MTERF4: variants seen among roughly 807,000 people sequenced by gnomAD.
The protein encoded by MTERF4 is mitochondrial transcription termination factor 4.
MTERF4 carries 17 observed loss-of-function variants against 22.5 expected under a neutral mutation model. The ratio of observed to expected loss-of-function variants is 0.75; its 90% CI spans 0.52 to 1.13. The LOEUF is 1.13. Among genes scored for constraint, MTERF4 ranks in the 50% most tolerant of loss-of-function variants. The probability of loss-of-function intolerance (pLI) is 0.00; values close to 1 mark genes in which losing one functional copy is unlikely to be tolerated. For synonymous variants in MTERF4, 165 were observed against 175.3 expected, an observed-to-expected ratio of 0.94 and a Z score of 0.47; for missense variants, 420 against 466.8, an observed-to-expected ratio of 0.90 and a Z score of 0.92.
chr2:241,051,940 C>A, the MTERF4 span: 2 of 1,467,630 alleles, frequency 1.4e-6, no homozygotes, highest in Non-Finnish European at 9.3e-7. The surrounding 1 kb of genome is among the most constrained non-coding windows in gnomAD (Gnocchi z 4.7). Context: ...CCCTCCCTGC[C>A]AGCTGTGGGT....
chr2:241,088,119 C>G, downstream of MTERF4: 1 of 528,026 alleles, frequency 1.9e-6, no homozygotes. Context: ...CATCCTCTCT[C>G]TCTCTGACTC....
At chr2:241,049,900 C>G in the MTERF4 span, 1 of 1,613,758 alleles carries the variant, frequency 6.2e-7, no homozygotes. Context: ...CTGCGAGTGC[C>G]CGCGCGGGTT....
chr2:241,085,522 A>G (rs1246471911), downstream of MTERF4, among the ~76,000 whole-genome samples: 2 of 152,190 alleles, frequency 1.3e-5, no homozygotes, highest in African/African-American at 4.8e-5. Flanking sequence ...TATAATAGAT[A>G]TTTTAAGGTC....
downstream of MTERF4, chr2:241,087,204 A>G (rs2063627649): frequency 1.7e-6 from 1 of 581,240 alleles, no homozygotes; most frequent in South Asian, 2.4e-5. Flanking sequence ...CAATAAATTT[A>G]TTACAAATCA....
At chr2:241,052,311 T>C in the MTERF4 span, 3 of 1,526,820 alleles carry the variant, frequency 2.0e-6, no homozygotes, top group African/African-American at 1.4e-5. Flanking sequence ...GTCCCGAGCC[T>C]TCAGGGAAGA....
At position 241,099,529 on chromosome 2, in the gene MTERF4, T is replaced by G. The variant is rs2064605286; in HGVS notation, c.387A>C (p.Ser129=). The stretch of plus-strand genomic sequence containing the variant: ...GATTCAGACCCAAGAGAATAAATTC[T>G]GAAATGATGTCCAGCAACTGTTGAA... ...ASLQQLLDII[S]EFILLGLNPE... is the part of the protein sequence containing the mutation. The change falls in exon 2 of 4, where the codon TCA becomes TCC. Residue 129 remains serine (S), a synonymous_variant. Transcript: ENST00000391980. 6.2e-7 allele frequency: 1 copy of G among 1,614,082 alleles called. No individual in the cohort carries two copies. Among genetic ancestry groups the G allele is most frequent in the South Asian group, 1.1e-5 (1 of 91,082 alleles).
chr2:241,062,795 C>T, the MTERF4 span: 26 of 1,606,746 alleles, frequency 1.6e-5, no homozygotes, highest in South Asian at 1.3e-4. Context: ...TCTCAGAAAT[C>T]GATGAGTGCC....
At chr2:241,094,246 A>G, downstream of MTERF4, 2 of 464,698 alleles carry the variant, frequency 4.3e-6, no homozygotes, top group South Asian at 1.6e-5. The surrounding 1 kb of genome is among the most constrained non-coding windows in gnomAD (Gnocchi z 4.3). Flanking sequence ...AGAACCCAAC[A>G]GGCAAGGGCC....
At chr2:241,043,302 A>G in the MTERF4 span, among the ~76,000 whole-genome samples, 3 of 152,352 alleles carry the variant, frequency 2.0e-5, no homozygotes, top group East Asian at 5.8e-4. Flanking sequence ...CGAAACAAGA[A>G]TGAAACAGAC....
At chr2:241,052,734 A>T in the MTERF4 span, among the ~76,000 whole-genome samples, 2 of 62,484 alleles carry the variant, frequency 3.2e-5, no homozygotes, top group African/African-American at 6.7e-5. Context: ...TACCAGTGCC[A>T]GGCAGGTGAG....
the MTERF4 span, chr2:241,065,378 T>C: frequency 1.2e-6 from 2 of 1,613,036 alleles, no homozygotes; most frequent in Non-Finnish European, 1.7e-6. Context: ...CGCCCAATGG[T>C]CCAGCCGCCA....
intron 2 of MTERF4, among the ~76,000 whole-genome samples, chr2:241,097,765 A>C (rs1300403396): frequency 6.6e-6 from 1 of 152,234 alleles, no homozygotes; most frequent in African/African-American, 2.4e-5. Context: ...TGGAAAGATC[A>C]GAGAGTAATA....
rs1163634406 is a variant in MTERF4, at chr2:241,073,541, C to G, written n.2621G>C. The G allele has an allele frequency of 3.1e-6, 2 of 650,140 alleles. No individual in the cohort carries two copies. Among genetic ancestry groups the G allele is most frequent in the East Asian group, 5.5e-5 (2 of 36,558 alleles). The allele number at this position is 650,140 out of a possible 1,614,324, so 40.3% of individuals were successfully genotyped here. A position where few individuals can be genotyped will look rare whatever the true frequency, so the allele number is the denominator to read the frequency against. On this transcript the variant is annotated non_coding_transcript_exon_variant, in exon 5 of 5. Coordinates refer to the MTERF4 transcript ENST00000464344. The surrounding 1 kb of genome is among the most constrained non-coding windows in gnomAD (Gnocchi z 6.6). ...GAAGATGGGGTGAAGCTACACCACC[C>G]AAGCAGTGGGACCCCACAGACGGGA...
chr2:241,065,587 C>T, the MTERF4 span: 3 of 1,611,634 alleles, frequency 1.9e-6, no homozygotes, highest in Admixed American at 3.3e-5. Flanking sequence ...GTGCTGCTGG[C>T]CCGCACGCGT....
chr2:241,063,775 C>A, the MTERF4 span: 1 of 1,140,168 alleles, frequency 8.8e-7, no homozygotes, highest in Non-Finnish European at 1.3e-6. Flanking sequence ...TGGGGCATCC[C>A]CACATTCCCT....
downstream of MTERF4, chr2:241,071,881 G>A (rs763942089): frequency 1.4e-5 from 23 of 1,596,100 alleles, no homozygotes; most frequent in South Asian, 2.2e-4. Context: ...GAGATCACGT[G>A]AGTGCCAGGG....
At chr2:241,064,984 G>T in the MTERF4 span, 2 of 1,522,418 alleles carry the variant, frequency 1.3e-6, no homozygotes, top group African/African-American at 1.4e-5. This position sits in a 1 kb window ranked among gnomAD's most constrained non-coding sequence, Gnocchi z 7.0. Context: ...CCTCCAGTGA[G>T]GGAGCCACGA....
chr2:241,087,402 G>A (rs1195684744), downstream of MTERF4: 5 of 1,599,396 alleles, frequency 3.1e-6, no homozygotes, highest in Non-Finnish European at 4.3e-6. Flanking sequence ...GTATAAAAGA[G>A]TCTACCGAGT....
intron 4 of MTERF4, among the ~76,000 whole-genome samples, chr2:241,077,054 G>A (rs1246033865): frequency 1.3e-5 from 2 of 151,662 alleles, no homozygotes; most frequent in East Asian, 3.9e-4. Flanking sequence ...ACTCCAGCCT[G>A]GGCGACAGAG....
Sources: allele counts gnomAD v4.1 joint callset (sites outside exome capture counted in the v4.1 genomes callset), GRCh38; gene constraint gnomAD v4.1.1; non-coding constraint Gnocchi (gnomAD v3.1); transcripts MANE v1.5; gene names NCBI Gene and HGNC (gene_info 2026-07-23, HGNC 2026-07-21).